CAPS2: variants seen among roughly 807,000 people sequenced by gnomAD.
CAPS2 encodes the protein calcyphosine 2.
CAPS2 carries 98 observed loss-of-function variants against 86.5 expected under a neutral mutation model. The ratio of observed to expected loss-of-function variants is 1.13; its 90% CI spans 0.96 to 1.34. The LOEUF (loss-of-function observed/expected upper bound fraction) is 1.34. Among genes scored for constraint, CAPS2 ranks in the 40% most tolerant of loss-of-function variants. CAPS2 has a pLI of 0.00. For missense variants in CAPS2, 729 were observed against 686.8 expected (o/e 1.06, Z -0.69); for synonymous variants, 210 against 225.1 (o/e 0.93, Z 0.60).
At chr12:75,348,050 A>G (rs541334351) in intron 1 of CAPS2, among the ~76,000 whole-genome samples, 2 of 152,274 alleles carry the variant, frequency 1.3e-5, no homozygotes, top group Non-Finnish European at 2.9e-5. Context: ...CTTCTCTAAT[A>G]TAATATAAAA....
chr12:75,276,201 C>T (rs575197268), downstream of CAPS2: 31 of 1,538,128 alleles, frequency 2.0e-5, no homozygotes, highest in East Asian at 3.5e-4. Context: ...TTGTTTTAAG[C>T]GCTTTCTTTT....
At chr12:75,379,550 T>A (rs1041697165) in intron 1 of CAPS2, among the ~76,000 whole-genome samples, 2 of 152,136 alleles carry the variant, frequency 1.3e-5, no homozygotes, top group African/African-American at 4.8e-5. Context: ...TTCACTTAGT[T>A]TGGAATTGCT....
upstream of CAPS2, chr12:75,334,914 C>A (rs746748678): frequency 6.2e-7 from 1 of 1,611,114 alleles, no homozygotes; most frequent in Admixed American, 1.7e-5. Flanking sequence ...TGAGAAAGAA[C>A]CAGGGCTGGG....
At chr12:75,307,535 A>T (rs997409894) in intron 7 of CAPS2, among the ~76,000 whole-genome samples, 1 of 152,232 alleles carries the variant, frequency 6.6e-6, no homozygotes, top group Admixed American at 6.5e-5. Flanking sequence ...GTACATTTTA[A>T]AGTAGCTAGG....
intron 5 of CAPS2, among the ~76,000 whole-genome samples, chr12:75,317,190 TTGTC>T (rs546853603): frequency 6.6e-6 from 1 of 152,162 alleles, no homozygotes; most frequent in Non-Finnish European, 1.5e-5. Context: ...AGCAGGAACC[TTGTC>T]TGTCATTTTT....
chr12:75,358,912 T>C (rs1401266596), intron 1 of CAPS2, among the ~76,000 whole-genome samples: 2 of 144,778 alleles, frequency 1.4e-5, no homozygotes, highest in East Asian at 2.0e-4. Flanking sequence ...ATATATTATA[T>C]TAGTACAGAC....
At position 75,368,350 on chromosome 12, in the gene CAPS2, T is replaced by G. The variant is rs369525988; in HGVS notation, c.-395+22488A>C. On this transcript the variant is annotated intron_variant, in intron 1 of 5. Transcript: ENST00000551829. The stretch of plus-strand genomic sequence containing the variant: ...TTGCTGAGTTTTTAATTTGAATACA[T>G]GTTAACTTTAACAATTTTTTCCTGC... 1.7e-4 allele frequency among the ~76,000 whole-genome samples: 26 copies of G among 151,906 alleles called. 1 individual carries two copies. Among genetic ancestry groups the G allele is most frequent in the East Asian group, 9.7e-4 (5 of 5,162 alleles).
At chr12:75,292,052 TTTTG>T (rs1273123073) in intron 12 of CAPS2, among the ~76,000 whole-genome samples, 2 of 151,714 alleles carry the variant, frequency 1.3e-5, no homozygotes, top group African/African-American at 4.8e-5. Flanking sequence ...AAACTACTTG[TTTTG>T]TTTGTTTTTT....
At chr12:75,317,787 C>T (rs2039918263) in intron 5 of CAPS2, among the ~76,000 whole-genome samples, 1 of 151,958 alleles carries the variant, frequency 6.6e-6, no homozygotes, top group Admixed American at 6.6e-5. Context: ...ATACATCCAT[C>T]ACCACACATA....
At chr12:75,277,210 CTTT>C (rs11349252) in exon 17 of CAPS2, 4,482 of 821,478 alleles carry the variant, frequency 5.5e-3, no homozygotes, top group Non-Finnish European at 5.8e-3. Flanking sequence ...AGTAGCTTCC[CTTT>C]TTTTTTTTTT....
At chr12:75,370,752 C>T (rs75940476) in intron 1 of CAPS2, among the ~76,000 whole-genome samples, 1 of 151,986 alleles carries the variant, frequency 6.6e-6, no homozygotes, top group East Asian at 1.9e-4. Flanking sequence ...ATATGCCCCA[C>T]AGAAAATAAC....
chr12:75,312,220 AGT>A (rs544415780), intron 7 of CAPS2, among the ~76,000 whole-genome samples: 6 of 152,218 alleles, frequency 3.9e-5, no homozygotes, highest in Non-Finnish European at 8.8e-5. Context: ...GAGGTACCAC[AGT>A]GAACTCACAG....
intron 11 of CAPS2, among the ~76,000 whole-genome samples, chr12:75,294,662 T>G (rs1369626111): frequency 6.6e-6 from 1 of 152,184 alleles, no homozygotes; most frequent in East Asian, 1.9e-4. Context: ...TCACTCTAAT[T>G]ACCAGGTCAA....
At chr12:75,380,466 T>C (rs1411371030) in intron 1 of CAPS2, among the ~76,000 whole-genome samples, 2 of 152,172 alleles carry the variant, frequency 1.3e-5, no homozygotes, top group Non-Finnish European at 2.9e-5. Flanking sequence ...TTATATTCAC[T>C]GGGTTTGCTT....
At chr12:75,317,426 G>C (rs1446523404) in intron 5 of CAPS2, among the ~76,000 whole-genome samples, 1 of 152,098 alleles carries the variant, frequency 6.6e-6, no homozygotes, top group Non-Finnish European at 1.5e-5. Context: ...AAATTAAGCA[G>C]ATTAATTTAA....
chr12:75,284,221 T>G (rs975019311), intron 15 of CAPS2, among the ~76,000 whole-genome samples: 1 of 152,206 alleles, frequency 6.6e-6, no homozygotes, highest in Admixed American at 6.5e-5. Context: ...TAATTTAAGG[T>G]TTTTACTATG....
chr12:75,315,991 C>CA (rs748783444), intron 6 of CAPS2, among the ~76,000 whole-genome samples: 1 of 151,990 alleles, frequency 6.6e-6, no homozygotes, highest in African/African-American at 2.4e-5. Flanking sequence ...CTCATTACTT[C>CA]AAAAAAATAA....
chr12:75,331,910 C>T (rs753284269), upstream of CAPS2, among the ~76,000 whole-genome samples: 1 of 152,200 alleles, frequency 6.6e-6, no homozygotes, highest in African/African-American at 2.4e-5. Context: ...AATTCTGGTG[C>T]ACCAACTAAC....
intron 9 of CAPS2, among the ~76,000 whole-genome samples, chr12:75,299,520 C>T (rs7486168): frequency 0.18 from 27,140 of 151,948 alleles, 2,814 homozygotes; most frequent in South Asian, 0.37. Context: ...AATAAAGCAG[C>T]TTATAAAACA....
Sources: gnomAD v4.1 joint callset for allele counts (sites outside exome capture counted in the v4.1 genomes callset) on GRCh38, gnomAD v4.1.1 for gene constraint, MANE v1.5 for transcripts, NCBI Gene and HGNC (gene_info 2026-07-23, HGNC 2026-07-21) for gene names.